Variants in TNKS1BP1 observed in about 807,000 individuals in gnomAD.
TNKS1BP1 encodes the protein 182 kDa tankyrase-1-binding protein.
TNKS1BP1 carries 48 observed loss-of-function variants against 141.1 expected under a neutral mutation model. The observed-to-expected ratio is 0.34, with a 90% CI of 0.27 to 0.43. The LOEUF is 0.43. Among genes scored for constraint, TNKS1BP1 ranks in the 20% least tolerant of loss-of-function variants. The pLI, the probability that TNKS1BP1 is intolerant of heterozygous loss-of-function variation, is 1.00. For missense variants in TNKS1BP1, 2,149 were observed against 2,226.0 expected, an observed-to-expected ratio of 0.97 and a Z score of 0.70; for synonymous variants, 875 against 898.2, an observed-to-expected ratio of 0.97 and a Z score of 0.46.
chr11:57,301,031 C>A lies in TNKS1BP1; in HGVS notation c.4982G>T (p.Arg1661Leu). 1 of 1,610,828 alleles carries A rather than the reference C, an allele frequency of 6.2e-7. No homozygotes were observed. The highest frequency in any genetic ancestry group is 8.5e-7 in the Non-Finnish European group (1 of 1,178,234). The change falls in exon 10 of 12, where the codon CGC becomes CTC. Residue 1661 changes from arginine to leucine, a missense_variant. Physicochemically the swap from Arg to Leu is moderately radical, Grantham distance 102. Transcript: ENST00000358252. ...CTCCTCAGCTGAGCGATTCCGGGGG[C>A]GCAGCTTGGCCTGAGAAGCAAGTCC... ...LSPSALKAKL[R>L]PRNRSAEEGE...
At position 57,302,629 on chromosome 11, in the gene TNKS1BP1, G is replaced by A. The variant is rs1254950873; in HGVS notation, c.4513C>T (p.Pro1505Ser). 2 of 1,611,782 alleles carry A rather than the reference G, an allele frequency of 1.2e-6. No homozygotes were observed. The highest frequency in any genetic ancestry group is 1.7e-4 in the Middle Eastern group (1 of 5,918). Reference sequence around the variant, plus strand: ...CCATCAGGCTGCGGCCTCCAGGAGGGTGGAGAGTCCCTGCCAGGCTCCAGC... The same window carrying A: ...CCATCAGGCTGCGGCCTCCAGGAGGATGGAGAGTCCCTGCCAGGCTCCAGC... ...EVLEPGRDSPPSWRPQPDGEA... is the reference protein window; with the variant it reads ...EVLEPGRDSPSSWRPQPDGEA... The change falls in exon 7 of 12, where the codon CCC becomes TCC. Residue 1505 changes from proline (P) to serine (S), a missense_variant. Transcript: ENST00000358252. The surrounding 1 kb of genome is among the most constrained non-coding windows in gnomAD (Gnocchi z 5.5).
chr11:57,300,643 A>C (rs770430577), intron 10 of TNKS1BP1, 43 bp from the exon 11 acceptor site: 2 of 1,612,420 alleles, frequency 1.2e-6, no homozygotes, highest in Non-Finnish European at 8.5e-7. Context: ...AACTTTGAGG[A>C]AACTGAACAC....
Position 57,309,165 on chromosome 11 carries a change from G to A in TNKS1BP1, c.3546C>T (p.Ser1182=), listed in dbSNP as rs748694343. The change falls in exon 6 of 12, where the codon AGC becomes AGT. Residue 1182 remains serine (S), a synonymous_variant. Coordinates refer to ENST00000358252, the MANE Select transcript of TNKS1BP1 (RefSeq NM_033396.3). This position sits in a 1 kb window ranked among gnomAD's most constrained non-coding sequence, Gnocchi z 4.3. ...VSSCVGSGGS[S]EARESAVGQM... ...GTCCCACGGCACTCTCCCTGGCCTC[G>A]CTCGAGCCCCCAGAACCCACACAGC... 39 of 1,613,886 alleles carry A rather than the reference G, an allele frequency of 2.4e-5. No individual in the cohort carries two copies. The Admixed American group carries it at 2.5e-4, about 10-fold the overall frequency.
intron 9 of TNKS1BP1, 90 bp from the exon 10 acceptor site, chr11:57,301,131 C>T (rs1565036744): frequency 1.5e-6 from 2 of 1,363,760 alleles, no homozygotes; most frequent in Non-Finnish European, 1.9e-6. Context: ...AGTGTGCAGT[C>T]CCCAGAATCA....
At chr11:57,321,049 G>A (rs1855877542) in intron 2 of TNKS1BP1, among the ~76,000 whole-genome samples, 1 of 152,172 alleles carries the variant, frequency 6.6e-6, no homozygotes. Context: ...ATGAACAAAT[G>A]AGCCAATAAA....
chr11:57,311,626 A>G (rs1228290808), intron 5 of TNKS1BP1, among the ~76,000 whole-genome samples: 2 of 151,304 alleles, frequency 1.3e-5, no homozygotes, highest in Non-Finnish European at 2.9e-5. Flanking sequence ...CCCGCCCCGC[A>G]GCCCCCAGAG....
In TNKS1BP1 at chr11:57,308,386, G is replaced by A. The variant is rs149696192; in HGVS notation, c.4316+9C>T. Reference sequence around the variant, plus strand: ...CCTCCCACACTTGGGATGGGGCTCCGTTCATTACCTTGCTCCGAAGCTGAG... The same window carrying A: ...CCTCCCACACTTGGGATGGGGCTCCATTCATTACCTTGCTCCGAAGCTGAG... On this transcript the variant is annotated intron_variant, in intron 6 of 11. Coordinates refer to ENST00000358252, the MANE Select transcript of TNKS1BP1 (RefSeq NM_033396.3). 9.8e-4 allele frequency: 1,572 copies of A among 1,609,698 alleles called. 12 individuals carry two copies. The African/African-American group carries it at 0.018, about 18-fold the overall frequency.
chr11:57,303,731 T>G (rs1855565827), intron 6 of TNKS1BP1, among the ~76,000 whole-genome samples: 1 of 152,218 alleles, frequency 6.6e-6, no homozygotes, highest in Admixed American at 6.5e-5. Context: ...CATATGCATC[T>G]TCTGTCTGCT....
In TNKS1BP1 at chr11:57,313,036, G is replaced by A. The variant is rs1425822702; in HGVS notation, c.1652C>T (p.Ser551Phe). Reference sequence around the variant, plus strand: ...CTCCCCATCGCCCTTCTGGGTGAGGGACATGCTTGGATCATCCCCCTGCAC... The same window carrying A: ...CTCCCCATCGCCCTTCTGGGTGAGGAACATGCTTGGATCATCCCCCTGCAC... ...SWVQGDDPSM[S>F]LTQKGDGESQ... The change falls in exon 5 of 12, where the codon TCC becomes TTC. Residue 551 changes from serine (S) to phenylalanine (F), a missense_variant. Coordinates refer to ENST00000358252, the MANE Select transcript of TNKS1BP1 (RefSeq NM_033396.3). The A allele has an allele frequency of 6.2e-7, 1 of 1,613,918 alleles. No individual in the cohort carries two copies. Among genetic ancestry groups the A allele is most frequent in the Admixed American group, 1.7e-5 (1 of 60,032 alleles).
In TNKS1BP1 at chr11:57,320,684, C is replaced by T; in HGVS notation, c.123G>A (p.Lys41=). 1 of 1,604,556 alleles carries T rather than the reference C, an allele frequency of 6.2e-7. No homozygotes were observed. The highest frequency in any genetic ancestry group is 8.5e-7 in the Non-Finnish European group (1 of 1,175,752). Residue 41 remains lysine, a synonymous_variant, in exon 3 of 12, where the codon AAG becomes AAA. Coordinates refer to ENST00000358252, the MANE Select transcript of TNKS1BP1 (RefSeq NM_033396.3). ...PGDTRAKPPV[K]PKPRALPAKP... ...TGGCAGGCAGGGCCCGGGGTTTGGG[C>T]TTGACAGGGGGTTTGGCCCGAGTGT...
rs1855655949 is a variant in TNKS1BP1, at chr11:57,308,879, G to T, written c.3832C>A (p.Gln1278Lys). The change falls in exon 6 of 12, where the codon CAG becomes AAG. Residue 1278 changes from glutamine to lysine, a missense_variant. Coordinates refer to ENST00000358252, the MANE Select transcript of TNKS1BP1 (RefSeq NM_033396.3). ...CCAAGGTCAGGTGTCCAGTCTGCCT[G>T]TCCAACTCCACGCTCCCTTGATTTA... ...FLKSRERGVG[Q>K]ADWTPDLGLR... 2 of 1,613,782 alleles carry T rather than the reference G, an allele frequency of 1.2e-6. No individual in the cohort carries two copies. The highest frequency in any genetic ancestry group is 4.5e-5 in the East Asian group (2 of 44,888).
intron 5 of TNKS1BP1, among the ~76,000 whole-genome samples, chr11:57,312,153 T>A (rs542347860): frequency 2.6e-5 from 4 of 152,146 alleles, no homozygotes; most frequent in Non-Finnish European, 5.9e-5. Context: ...CCTTGAACGA[T>A]ATTCCCATAA....
rs1221849153 is a variant in TNKS1BP1 at position 57,313,725 on chromosome 11, C to T, written c.963G>A (p.Gln321=). Residue 321 remains glutamine, a synonymous_variant, in exon 5 of 12, where the codon CAG becomes CAA. Transcript: ENST00000358252. ...SPCHSQLLEA[Q]TPEASQASPC... Reference sequence around the variant, plus strand: ...GAGAAGCCTGGGAAGCTTCAGGAGTCTGGGCTTCCAGAAGCTGTGAGTGGC... The same window carrying T: ...GAGAAGCCTGGGAAGCTTCAGGAGTTTGGGCTTCCAGAAGCTGTGAGTGGC... 3 of 1,595,024 alleles carry T rather than the reference C, an allele frequency of 1.9e-6. No individual in the cohort carries two copies. The highest frequency in any genetic ancestry group is 1.8e-5 in the Admixed American group (1 of 56,478).
Position 57,309,510 on chromosome 11 carries a change from C to T in TNKS1BP1, c.3201G>A (p.Gly1067=), listed in dbSNP as rs148125404. The T allele has an allele frequency of 2.5e-6, 4 of 1,613,840 alleles. No homozygotes were observed. Among genetic ancestry groups the T allele is most frequent in the South Asian group, 2.2e-5 (2 of 91,090 alleles). ...VGGHQERQQA[G]AQGPGSADLE... is the part of the protein sequence containing the mutation. Reference sequence around the variant, plus strand: ...GGTCAGCACTGCCAGGGCCCTGAGCCCCTGCCTGCTGTCTCTCCTGATGCC... The same window carrying T: ...GGTCAGCACTGCCAGGGCCCTGAGCTCCTGCCTGCTGTCTCTCCTGATGCC... Residue 1067 remains glycine, a synonymous_variant, in exon 6 of 12, where the codon GGG becomes GGA. Coordinates refer to ENST00000358252, the MANE Select transcript of TNKS1BP1 (RefSeq NM_033396.3). The surrounding 1 kb of genome is among the most constrained non-coding windows in gnomAD (Gnocchi z 4.3).
Position 57,313,626 on chromosome 11 carries a change from C to CG in TNKS1BP1, c.1061dup (p.Leu356AlafsTer18). The CG allele has an allele frequency of 6.3e-7, 1 of 1,590,638 alleles. No individual in the cohort carries two copies. The highest frequency in any genetic ancestry group is 8.6e-7 in the Non-Finnish European group (1 of 1,168,544). On this transcript the variant is annotated frameshift_variant, in exon 5 of 12. Transcript: ENST00000358252. LOFTEE classifies it high-confidence loss of function. ...CTGGAGCCCCCTCGGCAGGGAGCCC[C>CG]GGGCTGGGGGTGTGGCGGGAGCCCT...
At chr11:57,311,541 G>A (rs1025549779) in intron 5 of TNKS1BP1, 1 of 876,388 alleles carries the variant, frequency 1.1e-6, no homozygotes. Flanking sequence ...CCAGGAGCCA[G>A]TTGAGTCACC....
rs569807284 is a variant in TNKS1BP1 at position 57,313,203 on chromosome 11, C to T, written c.1485G>A (p.Pro495=). 40 of 1,612,260 alleles carry T rather than the reference C, an allele frequency of 2.5e-5. No homozygotes were observed. Among genetic ancestry groups the T allele is most frequent in the Middle Eastern group, 1.7e-4 (1 of 6,060 alleles). The part of the protein sequence containing the change: ...SGLGVWRLDS[P]PPSPITEASE... The stretch of plus-strand genomic sequence containing the variant: ...TGGCTTCAGTGATGGGGGAGGGAGG[C>T]GGGGAGTCCAGCCGCCACACGCCCA... Residue 495 remains proline (P), a synonymous_variant, in exon 5 of 12, where the codon CCG becomes CCA. Coordinates refer to ENST00000358252, the MANE Select transcript of TNKS1BP1 (RefSeq NM_033396.3).
At chr11:57,305,213 GACC>G (rs1855590735) in intron 6 of TNKS1BP1, among the ~76,000 whole-genome samples, 1 of 152,194 alleles carries the variant, frequency 6.6e-6, no homozygotes, top group Non-Finnish European at 1.5e-5. Context: ...CTGTGGCTTT[GACC>G]ACAAGTTATT....
chr11:57,308,661 G>A lies in TNKS1BP1; in HGVS notation c.4050C>T (p.Pro1350=), dbSNP rs145817202. 228 of 1,613,030 alleles carry A rather than the reference G, an allele frequency of 1.4e-4. No homozygotes were observed. Among genetic ancestry groups the A allele is most frequent in the Non-Finnish European group, 1.8e-4 (213 of 1,179,986 alleles). The stretch of plus-strand genomic sequence containing the variant: ...GAGCCCCAAAGAGCTCCACATTCTG[G>A]GGCGCCAAGTCCTGGGTCCAGTCCA... ...GQMDWTQDLA[P]QNVELFGAPS... The change falls in exon 6 of 12, where the codon CCC becomes CCT. Residue 1350 remains proline (P), a synonymous_variant. Coordinates refer to ENST00000358252, the MANE Select transcript of TNKS1BP1 (RefSeq NM_033396.3).
Sources: gnomAD v4.1 joint callset for allele counts (sites outside exome capture counted in the v4.1 genomes callset) on GRCh38, gnomAD v4.1.1 for gene constraint, Gnocchi (gnomAD v3.1) non-coding constraint, MANE v1.5 for transcripts, NCBI Gene and HGNC (gene_info 2026-07-23, HGNC 2026-07-21) for gene names.